The following LHFPL3 variants were observed in gnomAD, a reference collection of about 807,000 sequenced individuals.
LHFPL3 encodes LHFPL tetraspan subfamily member 3, also known as LHFPL tetraspan subfamily member 3 protein.
In LHFPL3, 5 loss-of-function variants were observed where a neutral mutation model predicts 19.3. That is an observed-to-expected ratio of 0.26 (90% CI 0.14 to 0.54). The LOEUF is 0.54. LHFPL3 is among the 20% of genes least tolerant of loss of function. LHFPL3 has a pLI of 0.94. For synonymous variants in LHFPL3, 133 were observed against 126.2 expected (o/e 1.05, Z -0.36); for missense variants, 249 against 307.4 (o/e 0.81, Z 1.42).
intron 2 of LHFPL3, among the ~76,000 whole-genome samples, chr7:104,847,775 G>A (rs1273194754): frequency 6.6e-6 from 1 of 152,240 alleles, no homozygotes; most frequent in African/African-American, 2.4e-5. Flanking sequence ...GCCTCCCAAA[G>A]TGCTGGGATT....
chr7:104,681,147 T>C (rs1792689927), intron 1 of LHFPL3, among the ~76,000 whole-genome samples: 1 of 123,918 alleles, frequency 8.1e-6, no homozygotes. Context: ...TTTGTCTTTC[T>C]TTTCTTCTTT....
rs536286082 is a variant in LHFPL3 at position 104,596,014 on chromosome 7, C to T, written c.446-140661C>T. Among the ~76,000 whole-genome samples, 7 of 152,358 alleles carry T rather than the reference C, an allele frequency of 4.6e-5. No individual in the cohort carries two copies. In the South Asian group the frequency reaches 1.2e-3, roughly 27 times the overall value. ...GGAAACCCCCCAACCCCTTGTGCTT[C>T]CCGGGTGAGACAATACCCCACCCTG... On this transcript the variant is annotated intron_variant, in intron 1 of 2. Transcript: ENST00000424859.
At chr7:104,851,804 G>A (rs569195654) in intron 2 of LHFPL3, among the ~76,000 whole-genome samples, 57 of 152,188 alleles carry the variant, frequency 3.7e-4, no homozygotes, top group Middle Eastern at 3.4e-3. Flanking sequence ...GAAGCTCCTT[G>A]TCACCCGTGA....
chr7:104,658,555 C>G (rs988733828), intron 1 of LHFPL3, among the ~76,000 whole-genome samples: 3 of 152,184 alleles, frequency 2.0e-5, no homozygotes, highest in African/African-American at 4.8e-5. Context: ...TAATCCAGCA[C>G]TTTGGGAGGC....
intron 2 of LHFPL3, among the ~76,000 whole-genome samples, chr7:104,833,294 TTA>T (rs1298433998): frequency 2.9e-4 from 12 of 40,806 alleles, no homozygotes; most frequent in African/African-American, 1.1e-3. Flanking sequence ...TATATATATA[TTA>T]TATATATAAT....
chr7:104,676,287 G>A (rs1449547244), intron 1 of LHFPL3, among the ~76,000 whole-genome samples: 1 of 152,122 alleles, frequency 6.6e-6, no homozygotes, highest in Non-Finnish European at 1.5e-5. Flanking sequence ...AATATCCCTG[G>A]CATAGAAATA....
intron 1 of LHFPL3, among the ~76,000 whole-genome samples, chr7:104,526,675 A>G (rs146016283): frequency 5.4e-4 from 83 of 152,332 alleles, no homozygotes; most frequent in African/African-American, 1.9e-3. Flanking sequence ...TGATGTTGCA[A>G]TTCAGACTTT....
intron 1 of LHFPL3, among the ~76,000 whole-genome samples, chr7:104,449,104 C>A (rs1057011957): frequency 6.6e-6 from 1 of 152,140 alleles, no homozygotes; most frequent in African/African-American, 2.4e-5. Context: ...GTGACAAATG[C>A]CAAGAAGTAG....
At chr7:104,839,133 G>T (rs1026657300) in intron 2 of LHFPL3, among the ~76,000 whole-genome samples, 1 of 152,208 alleles carries the variant, frequency 6.6e-6, no homozygotes, top group African/African-American at 2.4e-5. Flanking sequence ...CCGTCAAGGA[G>T]AGAGAAATTT....
At chr7:104,696,269 C>T (rs1451689464) in intron 1 of LHFPL3, among the ~76,000 whole-genome samples, 1 of 152,162 alleles carries the variant, frequency 6.6e-6, no homozygotes, top group Non-Finnish European at 1.5e-5. Context: ...AGTTTTAAAT[C>T]TTTCATTTGT....
At chr7:104,393,242 T>C (rs2116476664) in intron 1 of LHFPL3, among the ~76,000 whole-genome samples, 1 of 152,296 alleles carries the variant, frequency 6.6e-6, no homozygotes, top group East Asian at 1.9e-4. Context: ...GAAGCAAGTT[T>C]AGAAAATAGT....
At chr7:104,813,199 G>A (rs564979890) in intron 2 of LHFPL3, among the ~76,000 whole-genome samples, 9 of 152,014 alleles carry the variant, frequency 5.9e-5, no homozygotes, top group African/African-American at 2.2e-4. Context: ...GATCACTTGA[G>A]CCCAGAAGGT....
intron 1 of LHFPL3, among the ~76,000 whole-genome samples, chr7:104,687,177 A>G (rs890042554): frequency 4.6e-5 from 7 of 152,334 alleles, no homozygotes; most frequent in African/African-American, 1.4e-4. Context: ...TCAGGGAAAC[A>G]CTTTACTTAC....
At chr7:104,684,576 G>A (rs909351994) in intron 1 of LHFPL3, among the ~76,000 whole-genome samples, 1 of 152,156 alleles carries the variant, frequency 6.6e-6, no homozygotes, top group Admixed American at 6.5e-5. Flanking sequence ...ATTTATAATT[G>A]TAAAATCCCA....
intron 1 of LHFPL3, among the ~76,000 whole-genome samples, chr7:104,672,079 G>T (rs1162167022): frequency 6.6e-6 from 1 of 151,572 alleles, no homozygotes; most frequent in African/African-American, 2.4e-5. Context: ...GTGTGTGTGT[G>T]TGTGTGTGTT....
At chr7:104,554,648 T>C (rs139366261) in intron 1 of LHFPL3, among the ~76,000 whole-genome samples, 3 of 83,888 alleles carry the variant, frequency 3.6e-5, no homozygotes, top group Non-Finnish European at 6.0e-5. Context: ...GACAGATAGA[T>C]AGATAGATAG....
chr7:104,893,009 C>T lies in LHFPL3; in HGVS notation c.683-13178C>T, dbSNP rs139969294. Among the ~76,000 whole-genome samples the T allele has an allele frequency of 7.3e-3, 1,115 of 151,978 alleles. 12 individuals are homozygous for T. Among genetic ancestry groups the T allele is most frequent in the African/African-American group, 0.026 (1,058 of 41,444 alleles). On this transcript the variant is annotated intron_variant, in intron 2 of 2. Coordinates refer to ENST00000424859, the MANE Select transcript of LHFPL3 (RefSeq NM_199000.3). The stretch of plus-strand genomic sequence containing the variant: ...TTGCTTGAGGCCAGGATTTCAAGAC[C>T]AGCCTGGACAACATAGCGAGAAACT...
intron 2 of LHFPL3, among the ~76,000 whole-genome samples, chr7:104,746,906 T>C (rs1794056265): frequency 6.6e-6 from 1 of 152,246 alleles, no homozygotes; most frequent in African/African-American, 2.4e-5. Flanking sequence ...CTTGCCCTGC[T>C]GTCTCCCTTT....
chr7:104,508,485 G>A (rs1044506142), intron 1 of LHFPL3, among the ~76,000 whole-genome samples: 1 of 148,616 alleles, frequency 6.7e-6, no homozygotes, highest in Non-Finnish European at 1.5e-5. Flanking sequence ...GGGAGGGATA[G>A]CATTGGGAGA....
Sources: gnomAD v4.1 joint callset for allele counts (sites outside exome capture counted in the v4.1 genomes callset) on GRCh38, gnomAD v4.1.1 for gene constraint, MANE v1.5 for transcripts, NCBI Gene and HGNC (gene_info 2026-07-23, HGNC 2026-07-21) for gene names.